BRCA2: variants seen among roughly 807,000 people sequenced by gnomAD.
BRCA2 encodes the protein breast cancer type 2 susceptibility protein.
Under a neutral mutation model 276.7 loss-of-function variants are expected in BRCA2, and 203 were observed. The observed-to-expected ratio is 0.73, with a 90% CI of 0.65 to 0.82. The LOEUF (loss-of-function observed/expected upper bound fraction) is 0.82, where lower values mean the gene tolerates loss of function less well. Among genes scored for constraint, BRCA2 ranks in the 40% least tolerant of loss-of-function variants. BRCA2 has a pLI of 0.00. For missense variants in BRCA2, 3,920 were observed against 3,915.0 expected (o/e 1.00, Z -0.03); for synonymous variants, 1,289 against 1,338.4 (o/e 0.96, Z 0.81).
rs80358472 is a variant in BRCA2 at position 32,333,303 on chromosome 13, C to G, written c.1825C>G (p.Gln609Glu). The G allele has an allele frequency of 1.2e-6, 2 of 1,605,084 alleles. No homozygotes were observed. Among genetic ancestry groups the G allele is most frequent in the East Asian group, 2.2e-5 (1 of 44,816 alleles). ...SYKGKKIPKD[Q>E]KSELINCSAQ... ...TAAAGGAAAAAAAATACCGAAAGAC[C>G]AAAAATCAGAACTAATTAACTGTTC... The change falls in exon 10 of 27, where the codon CAA becomes GAA. Residue 609 changes from glutamine (Q) to glutamate (E), a missense_variant. This residue lies in a region of BRCA2 where 3,263 missense variants were observed against 3,156.9 expected (regional missense o/e 1.03). Coordinates refer to ENST00000380152, the MANE Select transcript of BRCA2 (RefSeq NM_000059.4).
intron 8 of BRCA2, among the ~76,000 whole-genome samples, chr13:32,330,075 G>C (rs1023693016): frequency 4.6e-5 from 7 of 152,136 alleles, no homozygotes; most frequent in African/African-American, 1.7e-4. Flanking sequence ...TCTTGAATCT[G>C]TGTAACCAAC....
chr13:32,320,147 G>A (rs956208720), intron 3 of BRCA2, among the ~76,000 whole-genome samples: 3 of 152,182 alleles, frequency 2.0e-5, no homozygotes, highest in Non-Finnish European at 4.4e-5. Context: ...GTGTCTGAAA[G>A]GGACCAATAG....
Position 32,362,705 on chromosome 13 carries a change from G to A in BRCA2, c.7976+12G>A, listed in dbSNP as rs81002827. The A allele has an allele frequency of 6.9e-5, 112 of 1,613,870 alleles. No homozygotes were observed. In the African/African-American group the frequency reaches 1.2e-3, roughly 18 times the overall value. On this transcript the variant is annotated intron_variant, in intron 17 of 26. Transcript: ENST00000380152. ...CAACTAAAATACAGGCAAGTTTAAA[G>A]CATTACATTACGTAATCATATACGG...
At chr13:32,390,242 C>T (rs1477808299) in intron 24 of BRCA2, among the ~76,000 whole-genome samples, 4 of 152,054 alleles carry the variant, frequency 2.6e-5, no homozygotes, top group East Asian at 1.9e-4. Context: ...CTTTTGTATA[C>T]CCCCAAAACC....
Position 32,339,820 on chromosome 13 carries a change from A to T in BRCA2, c.5465A>T (p.Asn1822Ile), listed in dbSNP as rs587781580. Residue 1822 changes from asparagine to isoleucine, a missense_variant, in exon 11 of 27, where the codon AAT becomes ATT. Physicochemically the swap from Asn to Ile is moderately radical, Grantham distance 149. Around this residue, in one of 2 missense-constraint regions of BRCA2, gnomAD observed 3,263 missense variants for 3,156.9 expected, o/e 1.03. Coordinates refer to ENST00000380152, the MANE Select transcript of BRCA2 (RefSeq NM_000059.4). ...ELVTSSSPCK[N>I]KNAAIKLSIS... ...GTGACTAGCTCTTCACCCTGCAAAA[A>T]TAAAAATGCAGCCATTAAATTGTCC... 3 of 1,613,974 alleles carry T rather than the reference A, an allele frequency of 1.9e-6. No homozygotes were observed. In the Admixed American group the frequency reaches 5.0e-5, roughly 27 times the overall value.
rs397507943 is a variant in BRCA2, at chr13:32,362,600, T to TA, written c.7884dup (p.Trp2629MetfsTer12). 1 of 1,614,206 alleles carries TA rather than the reference T, an allele frequency of 6.2e-7. No individual in the cohort carries two copies. Among genetic ancestry groups the TA allele is most frequent in the Non-Finnish European group, 8.5e-7 (1 of 1,180,022 alleles). ...GTTTATAATCACTATAGATGGATCA[T>TA]ATGGAAACTGGCAGCTATGGAATGT... On this transcript the variant is annotated frameshift_variant, in exon 17 of 27. Transcript: ENST00000380152. LOFTEE classifies it high-confidence loss of function.
rs530001133 is a variant in BRCA2, at chr13:32,334,544, T to C, written c.1909+1157T>C. On this transcript the variant is annotated intron_variant, in intron 10 of 26. Transcript: ENST00000380152. ...TTTAAAATACCCAGGCATGGTGGCA[T>C]GCTTCTGATGTTGTAGCTACTCAGG... Among the ~76,000 whole-genome samples the C allele has an allele frequency of 4.6e-5, 7 of 152,052 alleles. No homozygotes were observed. In the East Asian group the frequency reaches 1.4e-3, roughly 29 times the overall value.
rs1593199946 is a variant in BRCA2, at chr13:32,394,879, T to C, written c.9447T>C (p.Ser3149=). The change falls in exon 25 of 27, where the codon AGT becomes AGC. Residue 3149 remains serine, a synonymous_variant. Coordinates refer to ENST00000380152, the MANE Select transcript of BRCA2 (RefSeq NM_000059.4). ...FAGDFSVFSA[S]PKEGHFQETF... is the part of the protein sequence containing the mutation. ...GAGATTTTTCTGTGTTTTCTGCTAG[T>C]CCAAAAGAGGGCCACTTTCAAGAGA... is the stretch of plus-strand genomic sequence containing the variant. 1 of 1,614,092 alleles carries C rather than the reference T, an allele frequency of 6.2e-7. No individual in the cohort carries two copies. The highest frequency in any genetic ancestry group is 8.5e-7 in the Non-Finnish European group (1 of 1,179,972).
intron 19 of BRCA2, 21 bp from the exon 20 acceptor site, chr13:32,370,935 G>A (rs2137599554): frequency 6.2e-7 from 1 of 1,613,650 alleles, no homozygotes; most frequent in Non-Finnish European, 8.5e-7. Flanking sequence ...CTTTTTTGGT[G>A]TGTGTAACAC....
rs786204280 is a variant in BRCA2, at chr13:32,354,860, G to A, written c.7008-1G>A. 1.3e-6 allele frequency: 2 copies of A among 1,558,090 alleles called. No homozygotes were observed. Among genetic ancestry groups the A allele is most frequent in the South Asian group, 2.2e-5 (2 of 89,852 alleles). The stretch of plus-strand genomic sequence containing the variant: ...ACTTATATATTTTCTCCCCATTGCA[G>A]CACAACTAAGGAACGTCAAGAGATA... On this transcript the variant is annotated splice_acceptor_variant, in intron 13 of 26. Transcript: ENST00000380152. LOFTEE classifies it high-confidence loss of function.
rs80358503 is a variant in BRCA2, at chr13:32,336,731, C to G, written c.2376C>G (p.Tyr792Ter). 1 of 1,613,846 alleles carries G rather than the reference C, an allele frequency of 6.2e-7. No homozygotes were observed. Among genetic ancestry groups the G allele is most frequent in the Non-Finnish European group, 8.5e-7 (1 of 1,179,890 alleles). ...LVMISRGKES[Y>*]KMSDKLKGNN... ...TGATTTCTAGAGGCAAAGAATCATA[C>G]AAAATGTCAGACAAGCTCAAAGGTA... Residue 792 changes from tyrosine (Y) to a stop codon, truncating the protein, a stop_gained, in exon 11 of 27, where the codon TAC becomes TAG. Transcript: ENST00000380152. LOFTEE classifies it high-confidence loss of function.
rs876658624 is a variant in BRCA2, at chr13:32,357,793, G to A, written c.7669G>A (p.Ala2557Thr). The A allele has an allele frequency of 3.7e-6, 6 of 1,613,648 alleles. No homozygotes were observed. The highest frequency in any genetic ancestry group is 5.1e-6 in the Non-Finnish European group (6 of 1,179,758). The change falls in exon 16 of 27, where the codon GCA (alanine) becomes ACA (threonine). Residue 2557 changes from alanine to threonine, a missense_variant. Ala to Thr is a moderately conservative substitution (Grantham distance 58). This residue lies in a region of BRCA2 where 3,263 missense variants were observed against 3,156.9 expected (regional missense o/e 1.03). Transcript: ENST00000380152. The stretch of plus-strand genomic sequence containing the variant: ...TTGCATAAAAATTAACAGCAAAAAT[G>A]CAGAGTCTTTTCAGTTTCACACTGA... ...KHCIKINSKN[A>T]ESFQFHTEDY...
chr13:32,336,220 G>C (rs757206914), intron 10 of BRCA2, 45 bp from the exon 11 acceptor site: 58 of 1,566,398 alleles, frequency 3.7e-5, no homozygotes, highest in Middle Eastern at 2.3e-4. Flanking sequence ...TAGTGAATGT[G>C]ATTGATGGTA....
At chr13:32,348,752 G>T (rs1307061384) in intron 13 of BRCA2, among the ~76,000 whole-genome samples, 1 of 152,122 alleles carries the variant, frequency 6.6e-6, no homozygotes, top group Non-Finnish European at 1.5e-5. Context: ...GAGGCAAAGG[G>T]AGCTTTCAGG....
rs80359009 is a variant in BRCA2, at chr13:32,362,543, G to C, written c.7826G>C (p.Gly2609Ala). Residue 2609 changes from glycine to alanine, a missense_variant, in exon 17 of 27, where the codon GGT becomes GCT. Around this residue, in one of 2 missense-constraint regions of BRCA2, gnomAD observed 3,263 missense variants for 3,156.9 expected, o/e 1.03. Coordinates refer to ENST00000380152, the MANE Select transcript of BRCA2 (RefSeq NM_000059.4). ...EFYRALCDTP[G>A]VDPKLISRIW... Reference sequence around the variant, plus strand: ...TTCAGGGCTCTGTGTGACACTCCAGGTGTGGATCCAAAGCTTATTTCTAGA... The same window carrying C: ...TTCAGGGCTCTGTGTGACACTCCAGCTGTGGATCCAAAGCTTATTTCTAGA... 1 of 1,613,894 alleles carries C rather than the reference G, an allele frequency of 6.2e-7. No homozygotes were observed. The highest frequency in any genetic ancestry group is 1.3e-5 in the African/African-American group (1 of 75,004).
At chr13:32,317,908 G>A (rs1441850163) in intron 2 of BRCA2, among the ~76,000 whole-genome samples, 1 of 152,204 alleles carries the variant, frequency 6.6e-6, no homozygotes, top group Non-Finnish European at 1.5e-5. Context: ...TCAGATCACA[G>A]CTCAACATGA....
chr13:32,388,495 A>G (rs1280031123), intron 24 of BRCA2, among the ~76,000 whole-genome samples: 3 of 152,106 alleles, frequency 2.0e-5, no homozygotes, highest in African/African-American at 7.2e-5. Context: ...TTTCACTTCC[A>G]GTACAGTATG....
At chr13:32,369,799 C>T (rs924918186) in intron 18 of BRCA2, among the ~76,000 whole-genome samples, 1 of 152,304 alleles carries the variant, frequency 6.6e-6, no homozygotes, top group Non-Finnish European at 1.5e-5. Context: ...GTCTCGAACT[C>T]CTGACCTCAG....
chr13:32,346,427 A>G (rs1244633662), intron 12 of BRCA2, among the ~76,000 whole-genome samples: 2 of 152,054 alleles, frequency 1.3e-5, no homozygotes, highest in Admixed American at 1.3e-4. Context: ...TATTTAACCA[A>G]TTTCCAACTA....
Sources: gnomAD v4.1 joint callset for allele counts (sites outside exome capture counted in the v4.1 genomes callset) on GRCh38, gnomAD v4.1.1 for gene constraint, gnomAD v4.1.1 regional missense constraint, MANE v1.5 for transcripts, NCBI Gene and HGNC (gene_info 2026-07-23, HGNC 2026-07-21) for gene names.